The following DLAT variants were observed in gnomAD, a reference collection of about 807,000 sequenced individuals.
DLAT encodes dihydrolipoyllysine-residue acetyltransferase component of pyruvate dehydrogenase complex, mitochondrial.
In DLAT, 43 loss-of-function variants were observed where a neutral mutation model predicts 68.0. The ratio of observed to expected loss-of-function variants is 0.63; its 90% CI spans 0.50 to 0.81. DLAT has a LOEUF of 0.81. Among genes scored for constraint, DLAT ranks in the 40% least tolerant of loss-of-function variants. The pLI is 0.00. For missense variants in DLAT, 745 were observed against 815.4 expected (o/e 0.91, Z 1.05); for synonymous variants, 265 against 288.6 (o/e 0.92, Z 0.83).
In DLAT at chr11:112,042,218, C is replaced by T. The variant is rs587734556; in HGVS notation, c.1130-1248C>T. ...ATTGCTTTATGATGGCCTGTTGTGCCGCCCAAGAGAGATAGGGAAAAGGGT... is the reference window on the plus strand; with the variant it reads ...ATTGCTTTATGATGGCCTGTTGTGCTGCCCAAGAGAGATAGGGAAAAGGGT... On this transcript the variant is annotated intron_variant, in intron 7 of 13. Coordinates refer to ENST00000280346, the MANE Select transcript of DLAT (RefSeq NM_001931.5). 7.2e-5 allele frequency among the ~76,000 whole-genome samples: 11 copies of T among 152,188 alleles called. No individual in the cohort carries two copies. In the East Asian group the frequency reaches 1.4e-3, roughly 19 times the overall value.
At position 112,059,913 on chromosome 11, in the gene DLAT, G is replaced by T. The variant is rs1555183000; in HGVS notation, c.1525G>T (p.Val509Phe). The change falls in exon 12 of 14, where the codon GTT becomes TTT. Residue 509 changes from valine to phenylalanine, a missense_variant. Coordinates refer to ENST00000280346, the MANE Select transcript of DLAT (RefSeq NM_001931.5). The part of the protein sequence containing the change: ...MDTVIRQNHV[V>F]DVSVAVSTPA... The stretch of plus-strand genomic sequence containing the variant: ...TTTCTTTTTAAACAGAAATCATGTT[G>T]TTGATGTCAGTGTTGCGGTCAGTAC... The T allele has an allele frequency of 1.2e-6, 2 of 1,607,960 alleles. No homozygotes were observed. Among genetic ancestry groups the T allele is most frequent in the Non-Finnish European group, 1.7e-6 (2 of 1,177,006 alleles).
chr11:112,034,236 C>A (rs1447803770), intron 5 of DLAT, among the ~76,000 whole-genome samples: 1 of 152,106 alleles, frequency 6.6e-6, no homozygotes, highest in Non-Finnish European at 1.5e-5. Flanking sequence ...AAAATCACTT[C>A]CATGGCAGGA....
At chr11:112,034,183 C>T (rs1171494315) in intron 5 of DLAT, among the ~76,000 whole-genome samples, 1 of 152,148 alleles carries the variant, frequency 6.6e-6, no homozygotes, top group Admixed American at 6.5e-5. Flanking sequence ...ATCAGAATTG[C>T]TGCTGTCTAA....
chr11:112,033,456 G>A lies in DLAT; in HGVS notation c.713G>A (p.Trp238Ter). The change falls in exon 5 of 14, where the codon TGG becomes TAG. Residue 238 changes from tryptophan to a stop codon, truncating the protein, a stop_gained. Coordinates refer to ENST00000280346, the MANE Select transcript of DLAT (RefSeq NM_001931.5). LOFTEE classifies it high-confidence loss of function. ...PTMTMGTVQRWEKKVGEKLSE... is the reference protein window; with the variant it reads ...PTMTMGTVQR ...ATGACCATGGGCACAGTTCAGAGAT[G>A]GGAAAAAAAAGTGGGTGAGAAGCTA... is the stretch of plus-strand genomic sequence containing the variant. 1 of 1,613,766 alleles carries A rather than the reference G, an allele frequency of 6.2e-7. No homozygotes were observed. The highest frequency in any genetic ancestry group is 8.5e-7 in the Non-Finnish European group (1 of 1,179,876).
chr11:112,055,798 AT>A (rs781878205), intron 11 of DLAT, among the ~76,000 whole-genome samples: 14 of 128,554 alleles, frequency 1.1e-4, no homozygotes, highest in East Asian at 2.6e-4. Flanking sequence ...AGAGGCAGGA[AT>A]TTTTTTTTTA....
intron 2 of DLAT, among the ~76,000 whole-genome samples, 182 bp from the exon 3 acceptor site, chr11:112,028,333 C>CGGGCTGAG (rs1555179605): frequency 6.7e-6 from 1 of 148,280 alleles, no homozygotes. Context: ...GCAGGATAAT[C>CGGGCTGAG]GCTTGAACCT....
chr11:112,057,605 A>C (rs1218504323), intron 11 of DLAT, among the ~76,000 whole-genome samples: 3 of 152,262 alleles, frequency 2.0e-5, no homozygotes, highest in African/African-American at 4.8e-5. Context: ...AGCTTAATTC[A>C]GAGCAAGGCC....
intron 4 of DLAT, among the ~76,000 whole-genome samples, chr11:112,029,589 T>A (rs782748354): frequency 2.0e-5 from 3 of 151,638 alleles, no homozygotes; most frequent in Non-Finnish European, 2.9e-5. Context: ...GGGATCCTCC[T>A]CCAATACCCA....
intron 4 of DLAT, chr11:112,029,841 C>T (rs1294657383): frequency 1.7e-6 from 1 of 596,708 alleles, no homozygotes; most frequent in Non-Finnish European, 3.3e-6. Context: ...TGGACTACAT[C>T]TCCCCGCACT....
At chr11:112,029,030 C>T in intron 4 of DLAT, 85 bp downstream of exon 4, 1 of 1,489,008 alleles carries the variant, frequency 6.7e-7, no homozygotes, top group South Asian at 1.1e-5. Flanking sequence ...ATCTTGGAAA[C>T]TGACATTAAA....
intron 10 of DLAT, among the ~76,000 whole-genome samples, chr11:112,049,974 T>C (rs1170535756): frequency 6.6e-6 from 1 of 152,226 alleles, no homozygotes; most frequent in East Asian, 1.9e-4. Context: ...TCTCGATCTT[T>C]GGGAGAATAA....
At position 112,048,605 on chromosome 11, in the gene DLAT, C is replaced by T. The variant is rs1159293836; in HGVS notation, c.1399-2629C>T. Reference sequence around the variant, plus strand: ...CTGGGGTGCAGTGGCGTGATCTTGGCTTACTGCAACCTCCACCTTCCAGGT... The same window carrying T: ...CTGGGGTGCAGTGGCGTGATCTTGGTTTACTGCAACCTCCACCTTCCAGGT... On this transcript the variant is annotated intron_variant, in intron 10 of 13. Transcript: ENST00000280346. Among the ~76,000 whole-genome samples, 4 of 152,154 alleles carry T rather than the reference C, an allele frequency of 2.6e-5. No individual in the cohort carries two copies. The East Asian group carries it at 5.8e-4, about 22-fold the overall frequency.
intron 4 of DLAT, among the ~76,000 whole-genome samples, chr11:112,032,073 G>T (rs1172793921): frequency 6.6e-6 from 1 of 151,298 alleles, no homozygotes; most frequent in Non-Finnish European, 1.5e-5. Context: ...CAGAGGAGGG[G>T]GTTTCGACAT....
At chr11:112,056,873 T>G (rs1381837477) in intron 11 of DLAT, among the ~76,000 whole-genome samples, 1 of 152,234 alleles carries the variant, frequency 6.6e-6, no homozygotes, top group Non-Finnish European at 1.5e-5. Flanking sequence ...CATCTACTTG[T>G]GAGAGTATCT....
intron 1 of DLAT, 110 bp from the exon 2 acceptor site, chr11:112,026,088 C>A: frequency 1.1e-6 from 1 of 919,254 alleles, no homozygotes; most frequent in Non-Finnish European, 1.7e-6. Flanking sequence ...TCCCAATGTG[C>A]AATGGAACTG....
At chr11:112,059,085 T>G (rs782007451) in intron 11 of DLAT, among the ~76,000 whole-genome samples, 2 of 152,102 alleles carry the variant, frequency 1.3e-5, no homozygotes, top group African/African-American at 4.8e-5. Flanking sequence ...CCCTTACTTT[T>G]ACGTTCTTCT....
intron 1 of DLAT, 113 bp downstream of exon 1, chr11:112,025,864 C>T: frequency 2.2e-6 from 3 of 1,359,566 alleles, no homozygotes; most frequent in Non-Finnish European, 3.0e-6. Context: ...CCAGTATCTG[C>T]TTTGGCCCTT....
At chr11:112,049,420 A>G (rs918118250) in intron 10 of DLAT, among the ~76,000 whole-genome samples, 3 of 152,084 alleles carry the variant, frequency 2.0e-5, no homozygotes, top group Admixed American at 2.0e-4. Context: ...CAGTTTTTTT[A>G]TAGTTTTTCA....
intron 10 of DLAT, among the ~76,000 whole-genome samples, chr11:112,047,544 C>G (rs1863383131): frequency 6.6e-6 from 1 of 152,154 alleles, no homozygotes. Flanking sequence ...TTGCCCATGC[C>G]TGTGTCCTGA....
Sources: gnomAD v4.1 joint callset for allele counts (sites outside exome capture counted in the v4.1 genomes callset) on GRCh38, gnomAD v4.1.1 for gene constraint, MANE v1.5 for transcripts, NCBI Gene and HGNC (gene_info 2026-07-23, HGNC 2026-07-21) for gene names.